The following ZMYM4 variants were observed in gnomAD, a reference collection of about 807,000 sequenced individuals.
ZMYM4 encodes zinc finger MYM-type protein 4.
ZMYM4 carries 31 observed loss-of-function variants against 183.2 expected under a neutral mutation model. The ratio of observed to expected loss-of-function variants is 0.17; its 90% CI spans 0.13 to 0.23. The LOEUF (loss-of-function observed/expected upper bound fraction) is 0.23, where lower values mean the gene tolerates loss of function less well. ZMYM4 is among the 10% of genes least tolerant of loss of function. The pLI, the probability that ZMYM4 is intolerant of heterozygous loss-of-function variation, is 1.00. For missense variants in ZMYM4, 1,273 were observed against 1,840.3 expected, an observed-to-expected ratio of 0.69 and a Z score of 5.64; for synonymous variants, 592 against 631.2, an observed-to-expected ratio of 0.94 and a Z score of 0.93.
rs369039558 is a variant in ZMYM4 at position 35,396,420 on chromosome 1, A to G, written c.2912-132A>G. On this transcript the variant is annotated intron_variant, in intron 18 of 29. Transcript: ENST00000314607. ...GCTACTTTAGTTATTTCTCCTTTGT[A>G]AGAAGTCCTGTAGTGTCATAGGTTA... 1.5e-5 allele frequency: 19 copies of G among 1,246,170 alleles called. No homozygotes were observed. In the Admixed American group the frequency reaches 4.6e-4, roughly 30 times the overall value. 77.2% of individuals were successfully genotyped at this position (1,246,170 alleles called of 1,614,324 possible). A position where few individuals can be genotyped will look rare whatever the true frequency, so the allele number is the denominator to read the frequency against.
At chr1:35,394,604 T>TG (rs934449521) in intron 18 of ZMYM4, among the ~76,000 whole-genome samples, 3 of 152,124 alleles carry the variant, frequency 2.0e-5, no homozygotes, top group Non-Finnish European at 4.4e-5. Context: ...TGAATTGAGC[T>TG]GGGGGGATAA....
intron 25 of ZMYM4, among the ~76,000 whole-genome samples, chr1:35,405,767 TTG>T (rs762954299): frequency 1.4e-3 from 40 of 28,568 alleles, no homozygotes; most frequent in Middle Eastern, 0.016. Flanking sequence ...AGTTTTTTTT[TTG>T]TTTTTTTTTT....
intron 5 of ZMYM4, among the ~76,000 whole-genome samples, chr1:35,365,540 T>A (rs1020758844): frequency 2.6e-5 from 4 of 152,170 alleles, no homozygotes; most frequent in African/African-American, 9.6e-5. Context: ...ATAATAGTCA[T>A]TCACACAGTT....
intron 6 of ZMYM4, 117 bp downstream of exon 6, chr1:35,370,230 A>T: frequency 6.8e-7 from 1 of 1,480,220 alleles, no homozygotes; most frequent in Non-Finnish European, 9.0e-7. Flanking sequence ...GATGCCTTTA[A>T]ATTGTATATT....
intron 1 of ZMYM4, among the ~76,000 whole-genome samples, chr1:35,294,505 G>C (rs1480169403): frequency 6.6e-6 from 1 of 152,120 alleles, no homozygotes; most frequent in Non-Finnish European, 1.5e-5. Context: ...GGGGAATATA[G>C]AACCTTGTTC....
intron 1 of ZMYM4, among the ~76,000 whole-genome samples, chr1:35,314,858 C>T (rs1372552435): frequency 6.6e-6 from 1 of 150,894 alleles, no homozygotes; most frequent in East Asian, 2.0e-4. Context: ...AACCCTGTCT[C>T]TATTAAAAAT....
chr1:35,418,497 G>C lies in ZMYM4; in HGVS notation c.4364G>C (p.Gly1455Ala), dbSNP rs527276584. 3.1e-6 allele frequency: 5 copies of C among 1,614,086 alleles called. No individual in the cohort carries two copies. The highest frequency in any genetic ancestry group is 3.3e-5 in the Admixed American group (2 of 60,016). The change falls in exon 29 of 30, where the codon GGG becomes GCG. Residue 1455 changes from glycine (G) to alanine (A), a missense_variant. Physicochemically the swap from Gly to Ala is moderately conservative, Grantham distance 60 (BLOSUM62 0). Transcript: ENST00000314607. ...KRNEDDEVPVGVEMAENTDNP... is the reference protein window; with the variant it reads ...KRNEDDEVPVAVEMAENTDNP... ...AATGAAGATGATGAGGTTCCAGTGGGGGTGGAGATGGCAGAGAATACTGAC... is the reference window on the plus strand; with the variant it reads ...AATGAAGATGATGAGGTTCCAGTGGCGGTGGAGATGGCAGAGAATACTGAC...
chr1:35,411,538 A>T (rs1221935814), intron 26 of ZMYM4, among the ~76,000 whole-genome samples: 1 of 152,172 alleles, frequency 6.6e-6, no homozygotes, highest in East Asian at 1.9e-4. Flanking sequence ...TAAGTTTTGA[A>T]ATCAGGAAAT....
At position 35,269,024 on chromosome 1, in the gene ZMYM4, A is replaced by G; in HGVS notation, c.-23A>G. On this transcript the variant is annotated 5_prime_UTR_variant, in exon 1 of 30. Coordinates refer to ENST00000314607, the MANE Select transcript of ZMYM4 (RefSeq NM_005095.3). Reference sequence around the variant, plus strand: ...CCGCCGCCACCGCGCGGGGAGCCGCAGCGGTTCCGAGCGGGGCCCAACATG... The same window carrying G: ...CCGCCGCCACCGCGCGGGGAGCCGCGGCGGTTCCGAGCGGGGCCCAACATG... 5 of 1,532,394 alleles carry G rather than the reference A, an allele frequency of 3.3e-6. No homozygotes were observed. Among genetic ancestry groups the G allele is most frequent in the South Asian group, 1.2e-5 (1 of 81,970 alleles). The allele number at this position is 1,532,394 out of a possible 1,614,324, so 94.9% of individuals were successfully genotyped here.
chr1:35,384,811 T>TATAACC (rs1387761663), intron 9 of ZMYM4, among the ~76,000 whole-genome samples: 1 of 151,886 alleles, frequency 6.6e-6, no homozygotes, highest in East Asian at 1.9e-4. Context: ...ATTACTAGGT[T>TATAACC]ATAACCAGCA....
chr1:35,417,661 G>C (rs1041630052), intron 28 of ZMYM4, among the ~76,000 whole-genome samples: 3 of 152,002 alleles, frequency 2.0e-5, no homozygotes, highest in Admixed American at 6.6e-5. Context: ...CAAGGCTGCT[G>C]TGATCACACC....
intron 5 of ZMYM4, among the ~76,000 whole-genome samples, chr1:35,365,815 A>G (rs1644063838): frequency 1.3e-5 from 2 of 152,194 alleles, no homozygotes; most frequent in South Asian, 4.1e-4. Context: ...TTGGCTACTC[A>G]TTGATTTGTT....
At chr1:35,362,283 T>C (rs756061406) in intron 5 of ZMYM4, among the ~76,000 whole-genome samples, 4 of 152,224 alleles carry the variant, frequency 2.6e-5, no homozygotes, top group Non-Finnish European at 5.9e-5. Flanking sequence ...GAGGCTTTGA[T>C]GAATGATACA....
chr1:35,407,932 C>T, intron 25 of ZMYM4, 76 bp from the exon 26 acceptor site: 1 of 1,578,382 alleles, frequency 6.3e-7, no homozygotes, highest in Non-Finnish European at 8.7e-7. Flanking sequence ...CAGTAGTGTT[C>T]AATGTTTATT....
At chr1:35,325,285 T>C in intron 1 of ZMYM4, 75 bp from the exon 2 acceptor site, 1 of 1,361,208 alleles carries the variant, frequency 7.3e-7, no homozygotes, top group Non-Finnish European at 1.0e-6. Flanking sequence ...CCTTGGGGAA[T>C]AGGGAGGGAT....
Position 35,385,696 on chromosome 1 carries a change from A to G in ZMYM4, c.1720+104A>G, listed in dbSNP as rs561628193. ...GGTTGATTTTTAAGGCACATTTAACATATTTCAGATATTTGTTGTAAAATA... is the reference window on the plus strand; with the variant it reads ...GGTTGATTTTTAAGGCACATTTAACGTATTTCAGATATTTGTTGTAAAATA... On this transcript the variant is annotated intron_variant, in intron 10 of 29. Transcript: ENST00000314607. 1.1e-4 allele frequency: 141 copies of G among 1,278,562 alleles called. No individual in the cohort carries two copies. The South Asian group carries it at 2.3e-3, about 20-fold the overall frequency. The allele number at this position is 1,278,562 out of a possible 1,614,324, so 79.2% of individuals were successfully genotyped here.
At chr1:35,416,843 C>T (rs926598293) in intron 28 of ZMYM4, among the ~76,000 whole-genome samples, 1 of 152,100 alleles carries the variant, frequency 6.6e-6, no homozygotes, top group East Asian at 1.9e-4. Flanking sequence ...GGATTACAGG[C>T]GTGAGCCACC....
chr1:35,342,068 A>C (rs190232834), intron 2 of ZMYM4, among the ~76,000 whole-genome samples: 75 of 152,222 alleles, frequency 4.9e-4, no homozygotes, highest in South Asian at 1.7e-3. Flanking sequence ...TTCTGAATTC[A>C]CTTTCTTTAA....
At position 35,421,651 on chromosome 1, in the gene ZMYM4, G is replaced by C. The variant is rs946513896; in HGVS notation, c.*1974G>C. 6.6e-6 allele frequency: 1 copy of C among 152,178 alleles called. No individual in the cohort carries two copies. Among genetic ancestry groups the C allele is most frequent in the Non-Finnish European group, 1.5e-5 (1 of 68,030 alleles). 9.4% of individuals were successfully genotyped at this position (152,178 alleles called of 1,614,324 possible). A position where few individuals can be genotyped will look rare whatever the true frequency, so the allele number is the denominator to read the frequency against. On this transcript the variant is annotated 3_prime_UTR_variant, in exon 30 of 30. Coordinates refer to ENST00000314607, the MANE Select transcript of ZMYM4 (RefSeq NM_005095.3). ...GACTGTATCAGGATTTCATTTGCAT[G>C]TTAGTCCACAGAGTTGCCCAGAACC...
Sources: allele counts gnomAD v4.1 joint callset (sites outside exome capture counted in the v4.1 genomes callset), GRCh38; gene constraint gnomAD v4.1.1; transcripts MANE v1.5; gene names NCBI Gene and HGNC (gene_info 2026-07-23, HGNC 2026-07-21).